GSPT1: variants seen among roughly 807,000 people sequenced by gnomAD.
GSPT1 encodes the protein eukaryotic peptide chain release factor GTP-binding subunit ERF3A.
GSPT1 carries 20 observed loss-of-function variants against 72.5 expected under a neutral mutation model. That is an observed-to-expected ratio of 0.28 (90% CI 0.19 to 0.40). The LOEUF (loss-of-function observed/expected upper bound fraction) is 0.40. Ranked by LOEUF, GSPT1 falls within the 10% of genes least tolerant of loss-of-function variation. The probability of loss-of-function intolerance (pLI) is 1.00; values close to 1 mark genes in which losing one functional copy is unlikely to be tolerated. For missense variants in GSPT1, 580 were observed against 811.9 expected, an observed-to-expected ratio of 0.71 and a Z score of 3.47; for synonymous variants, 334 against 293.5, an observed-to-expected ratio of 1.14 and a Z score of -1.41.
Position 11,886,554 on chromosome 16 carries a change from G to C in GSPT1, c.1170C>G (p.Pro390=), listed in dbSNP as rs1323450544. The change falls in exon 9 of 15, where the codon CCC becomes CCG. Residue 390 remains proline, a synonymous_variant. Transcript: ENST00000434724. ...AGGGCATAAAGTGAATGTCCTTTTT[G>C]GGATTGAAGCCAACTTTTTTCAAAA... ...VPFLKKVGFN[P]KKDIHFMPCS... The C allele has an allele frequency of 1.9e-6, 3 of 1,612,048 alleles. No individual in the cohort carries two copies. The highest frequency in any genetic ancestry group is 2.7e-5 in the African/African-American group (2 of 74,888).
chr16:11,896,821 A>C (rs1270944327), intron 3 of GSPT1, 36 bp from the exon 4 acceptor site: 1 of 1,314,404 alleles, frequency 7.6e-7, no homozygotes, highest in South Asian at 1.3e-5. Flanking sequence ...ATTCTGAAAA[A>C]GACTTACAAT....
intron 1 of GSPT1, among the ~76,000 whole-genome samples, chr16:11,911,218 G>A (rs74784226): frequency 0.012 from 1,776 of 152,200 alleles, 35 homozygotes; most frequent in African/African-American, 0.041. Flanking sequence ...GGGCCTTTCT[G>A]GATTAAACAA....
intron 1 of GSPT1, among the ~76,000 whole-genome samples, chr16:11,911,597 G>A (rs1430292802): frequency 6.7e-6 from 1 of 148,394 alleles, no homozygotes; most frequent in Non-Finnish European, 1.5e-5. Context: ...ATGTCGCCCA[G>A]GCTAGAGTGC....
rs778308512 is a variant in GSPT1, at chr16:11,915,733, C to A, written c.-13G>T. 15 of 1,524,394 alleles carry A rather than the reference C, an allele frequency of 9.8e-6. No individual in the cohort carries two copies. Among genetic ancestry groups the A allele is most frequent in the Non-Finnish European group, 1.1e-5 (13 of 1,142,612 alleles). The allele number at this position is 1,524,394 out of a possible 1,614,324, so 94.4% of individuals were successfully genotyped here. A position where few individuals can be genotyped will look rare whatever the true frequency, so the allele number is the denominator to read the frequency against. ...TGCCCGGATCCATGATCGGGGGGGCCGTGTGTGTGGTGGACAGAGAGCGGG... is the reference window on the plus strand; with the variant it reads ...TGCCCGGATCCATGATCGGGGGGGCAGTGTGTGTGGTGGACAGAGAGCGGG... On this transcript the variant is annotated 5_prime_UTR_variant, in exon 1 of 15. Coordinates refer to ENST00000434724, the MANE Select transcript of GSPT1 (RefSeq NM_002094.4).
chr16:11,891,448 G>A (rs1029327272), intron 5 of GSPT1, among the ~76,000 whole-genome samples: 3 of 149,342 alleles, frequency 2.0e-5, no homozygotes, highest in African/African-American at 2.5e-5. Flanking sequence ...TGCAACCTCT[G>A]CCTCCTGGGT....
In GSPT1 at chr16:11,892,513, AC is replaced by A. The variant is rs202117694; in HGVS notation, c.699-1375del. On this transcript the variant is annotated intron_variant, in intron 5 of 14. Coordinates refer to ENST00000434724, the MANE Select transcript of GSPT1 (RefSeq NM_002094.4). ...AACAGGGAGACCCTTTCTCAAAAAA[AC>A]AAAAAAAACAAAAAAAACAAAAAAT... Among the ~76,000 whole-genome samples, 382 of 127,724 alleles carry A rather than the reference AC, an allele frequency of 3.0e-3. 19 individuals carry two copies. Among genetic ancestry groups the A allele is most frequent in the East Asian group, 0.012 (51 of 4,248 alleles). The allele number at this position is 127,724 out of a possible 152,430, so 83.8% of individuals were successfully genotyped here.
At chr16:11,897,329 G>C (rs1252741088) in intron 3 of GSPT1, among the ~76,000 whole-genome samples, 1 of 152,174 alleles carries the variant, frequency 6.6e-6, no homozygotes, top group African/African-American at 2.4e-5. Flanking sequence ...GCTCACACCT[G>C]TAATCCCAGC....
In GSPT1 at chr16:11,915,438, C is replaced by G. The variant is rs1181203012; in HGVS notation, c.283G>C (p.Ala95Pro). The G allele has an allele frequency of 6.6e-7, 1 of 1,525,592 alleles. No homozygotes were observed. Among genetic ancestry groups the G allele is most frequent in the Non-Finnish European group, 8.8e-7 (1 of 1,140,082 alleles). The allele number at this position is 1,525,592 out of a possible 1,614,324, so 94.5% of individuals were successfully genotyped here. Residue 95 changes from alanine (A) to proline (P), a missense_variant, in exon 1 of 15, where the codon GCG becomes CCG. Around this residue, in one of 6 missense-constraint regions of GSPT1, gnomAD observed 327 missense variants for 298.8 expected, o/e 1.09. Coordinates refer to ENST00000434724, the MANE Select transcript of GSPT1 (RefSeq NM_002094.4). ...FVPSFLRGPA[A>P]PPPPVGGAAN... ...GCGCCGCCAACTGGGGGTGGCGGCGCTGCCGGGCCCCGCAGGAAGGACGGC... is the reference window on the plus strand; with the variant it reads ...GCGCCGCCAACTGGGGGTGGCGGCGGTGCCGGGCCCCGCAGGAAGGACGGC...
intron 11 of GSPT1, among the ~76,000 whole-genome samples, chr16:11,880,656 A>G (rs1332867725): frequency 6.6e-6 from 1 of 152,178 alleles, no homozygotes; most frequent in African/African-American, 2.4e-5. Context: ...TTTCCCTAAT[A>G]GTTAGCAGTG....
At chr16:11,889,015 T>A (rs2054219979) in intron 6 of GSPT1, among the ~76,000 whole-genome samples, 1 of 152,044 alleles carries the variant, frequency 6.6e-6, no homozygotes. Context: ...AGGGTAATAA[T>A]AAAACTTTTT....
In GSPT1 at chr16:11,915,554, G is replaced by A; in HGVS notation, c.167C>T (p.Ala56Val). Reference protein sequence around the residue: ...GGGSLAAAAEAQRENLSAAFS... With the variant: ...GGGSLAAAAEVQRENLSAAFS... ...GGCCGCGCTGAGGTTCTCCCGCTGG[G>A]CCTCGGCCGCCGCCGCCAGGGAGCC... Residue 56 changes from alanine (A) to valine (V), a missense_variant, in exon 1 of 15, where the codon GCC becomes GTC. Ala to Val is a moderately conservative substitution (Grantham distance 64). Transcript: ENST00000434724. 2 of 1,493,974 alleles carry A rather than the reference G, an allele frequency of 1.3e-6. No homozygotes were observed. The highest frequency in any genetic ancestry group is 1.3e-5 in the South Asian group (1 of 78,956). 92.5% of individuals were successfully genotyped at this position (1,493,974 alleles called of 1,614,324 possible).
chr16:11,883,008 T>C lies in GSPT1; in HGVS notation c.1428+7A>G. The C allele has an allele frequency of 6.4e-7, 1 of 1,561,714 alleles. No individual in the cohort carries two copies. The highest frequency in any genetic ancestry group is 8.8e-7 in the Non-Finnish European group (1 of 1,132,278). On this transcript the variant is annotated splice_region_variant and intron_variant, in intron 11 of 14. Coordinates refer to ENST00000434724, the MANE Select transcript of GSPT1 (RefSeq NM_002094.4). ...AATAGATAGGAAACAGCATAACCGATTCTTACCTTGTTTGGCATCATCACA... is the reference window on the plus strand; with the variant it reads ...AATAGATAGGAAACAGCATAACCGACTCTTACCTTGTTTGGCATCATCACA...
chr16:11,877,649 A>C lies in GSPT1; in HGVS notation c.1429-69T>G. 1.1e-6 allele frequency: 1 copy of C among 904,744 alleles called. No individual in the cohort carries two copies. Among genetic ancestry groups the C allele is most frequent in the Non-Finnish European group, 1.6e-6 (1 of 613,554 alleles). 56.0% of individuals were successfully genotyped at this position (904,744 alleles called of 1,614,324 possible). ...GCATTACGCAACATAAAATGATCTGAATGTCTGTCTGCTCAATAAAGAGTT... is the reference window on the plus strand; with the variant it reads ...GCATTACGCAACATAAAATGATCTGCATGTCTGTCTGCTCAATAAAGAGTT... On this transcript the variant is annotated intron_variant, in intron 11 of 14. Transcript: ENST00000434724. The surrounding 1 kb of genome is among the most constrained non-coding windows in gnomAD (Gnocchi z 4.0).
chr16:11,892,721 T>A (rs979708321), intron 5 of GSPT1, among the ~76,000 whole-genome samples: 6 of 141,350 alleles, frequency 4.2e-5, no homozygotes, highest in African/African-American at 1.6e-4. Flanking sequence ...CCCAGCTACT[T>A]GGGAGGCTGA....
intron 1 of GSPT1, chr16:11,908,235 C>G (rs932740079): frequency 1.3e-5 from 2 of 152,092 alleles, no homozygotes; most frequent in African/African-American, 4.8e-5. Flanking sequence ...TAGAGAGATT[C>G]ATCTCAAAAA....
rs759033569 is a variant in GSPT1 at position 11,886,497 on chromosome 16, C to T, written c.1227G>A (p.Glu409=). ...TGTACCAAGGACAGAAATCCGACTG[C>T]TCTTTGAGATTTGCTCCAGTAAGTC... The part of the protein sequence containing the change: ...CSGLTGANLK[E]QSDFCPWYIG... The change falls in exon 9 of 15, where the codon GAG becomes GAA. Residue 409 remains glutamate (E), a synonymous_variant. Coordinates refer to ENST00000434724, the MANE Select transcript of GSPT1 (RefSeq NM_002094.4). The T allele has an allele frequency of 1.2e-6, 2 of 1,613,106 alleles. No individual in the cohort carries two copies. Among genetic ancestry groups the T allele is most frequent in the South Asian group, 1.1e-5 (1 of 90,992 alleles).
At chr16:11,895,301 G>A in intron 4 of GSPT1, 2 of 200,162 alleles carry the variant, frequency 1.0e-5, no homozygotes, top group South Asian at 8.6e-5. Context: ...CGTGGTGGCG[G>A]CCGCCTGTAA....
At chr16:11,913,399 TTC>T (rs1326701876) in intron 1 of GSPT1, among the ~76,000 whole-genome samples, 2 of 152,250 alleles carry the variant, frequency 1.3e-5, no homozygotes, top group Admixed American at 1.3e-4. Flanking sequence ...GCTGTACGGA[TTC>T]TCTTACTGAC....
At position 11,868,377 on chromosome 16, in the gene GSPT1, T is replaced by TA. The variant is rs34061589; in HGVS notation, c.*4741dup. On this transcript the variant is annotated 3_prime_UTR_variant, in exon 15 of 15. Transcript: ENST00000434724. ...TAATCCTGTTTTTTTTTTTTTTTTT[T>TA]AAATGAGATCTAGGTATTAACCTGC... 1.9e-4 allele frequency: 28 copies of TA among 151,244 alleles called. No individual in the cohort carries two copies. The highest frequency in any genetic ancestry group is 3.6e-4 in the African/African-American group (15 of 41,194). 9.4% of individuals were successfully genotyped at this position (151,244 alleles called of 1,614,324 possible). A position where few individuals can be genotyped will look rare whatever the true frequency, so the allele number is the denominator to read the frequency against.
Sources: allele counts gnomAD v4.1 joint callset (sites outside exome capture counted in the v4.1 genomes callset), GRCh38; gene constraint gnomAD v4.1.1; regional missense constraint gnomAD v4.1.1; non-coding constraint Gnocchi (gnomAD v3.1); transcripts MANE v1.5; gene names NCBI Gene and HGNC (gene_info 2026-07-23, HGNC 2026-07-21).